Variants in NIPBL observed in about 807,000 individuals in gnomAD.
The protein encoded by NIPBL is nipped-B-like protein.
In NIPBL, 19 loss-of-function variants were observed where a neutral mutation model predicts 321.8. The ratio of observed to expected loss-of-function variants is 0.06; its 90% CI spans 0.04 to 0.09. The LOEUF is 0.09. Ranked by LOEUF, NIPBL falls within the 10% of genes least tolerant of loss-of-function variation. The pLI, the probability that NIPBL is intolerant of heterozygous loss-of-function variation, is 1.00. For synonymous variants in NIPBL, 1,106 were observed against 1,114.1 expected (o/e 0.99, Z 0.14); for missense variants, 2,210 against 3,327.0 (o/e 0.66, Z 8.26).
At chr5:37,002,458 C>G (rs1296066259) in intron 14 of NIPBL, among the ~76,000 whole-genome samples, 2 of 152,282 alleles carry the variant, frequency 1.3e-5, no homozygotes, top group African/African-American at 4.8e-5. Flanking sequence ...AGATATCTAT[C>G]TCATCTTCCC....
intron 45 of NIPBL, 121 bp from the exon 46 acceptor site, chr5:37,063,669 A>G: frequency 1.1e-6 from 1 of 937,474 alleles, no homozygotes; most frequent in Non-Finnish European, 1.6e-6. Context: ...CCCCTAATTT[A>G]GATGATGGCT....
chr5:37,050,879 A>C (rs1753465523), intron 40 of NIPBL: 1 of 151,836 alleles, frequency 6.6e-6, no homozygotes, highest in Non-Finnish European at 1.5e-5. Flanking sequence ...CCCAGGCTGG[A>C]GTGCAGTGAT....
chr5:36,896,313 C>G (rs1222248764), intron 1 of NIPBL, among the ~76,000 whole-genome samples: 2 of 152,224 alleles, frequency 1.3e-5, no homozygotes, highest in Admixed American at 1.3e-4. Context: ...CAGTACTACA[C>G]TGTCTTGATT....
intron 4 of NIPBL, among the ~76,000 whole-genome samples, chr5:36,960,298 G>A (rs780964487): frequency 1.3e-5 from 2 of 151,702 alleles, no homozygotes; most frequent in Non-Finnish European, 2.9e-5. Flanking sequence ...TCCCAGTGAT[G>A]GCTGTTAATT....
intron 1 of NIPBL, among the ~76,000 whole-genome samples, chr5:36,892,386 C>A (rs944969906): frequency 1.3e-5 from 2 of 152,116 alleles, no homozygotes; most frequent in African/African-American, 4.8e-5. Context: ...GTGGCGATTC[C>A]TCAGGGATCT....
intron 1 of NIPBL, among the ~76,000 whole-genome samples, chr5:36,883,224 A>G (rs1021185263): frequency 6.6e-6 from 1 of 151,932 alleles, no homozygotes; most frequent in Non-Finnish European, 1.5e-5. Flanking sequence ...ATGTAGGTAA[A>G]TTGCTTTGCC....
chr5:36,961,458 G>T lies in NIPBL; in HGVS notation c.359-26G>T, dbSNP rs753504121. 4 of 1,291,800 alleles carry T rather than the reference G, an allele frequency of 3.1e-6. No homozygotes were observed. The African/African-American group carries it at 4.4e-5, about 14-fold the overall frequency. The allele number at this position is 1,291,800 out of a possible 1,614,324, so 80.0% of individuals were successfully genotyped here. On this transcript the variant is annotated intron_variant, in intron 4 of 46. Transcript: ENST00000282516. ...CACTTTACTGTTAGAAGAAAATAAC[G>T]TTCTGTATTTTTGTGTTTTGCATAG...
intron 21 of NIPBL, among the ~76,000 whole-genome samples, chr5:37,013,345 G>C (rs1162220307): frequency 2.6e-5 from 4 of 151,916 alleles, no homozygotes; most frequent in Admixed American, 6.5e-5. Flanking sequence ...CGGGCGGGGG[G>C]CTGACCCCCC....
At chr5:36,917,913 T>G (rs999182521) in intron 1 of NIPBL, among the ~76,000 whole-genome samples, 7 of 152,186 alleles carry the variant, frequency 4.6e-5, no homozygotes, top group African/African-American at 1.7e-4. Context: ...ACCATGCTGT[T>G]TGGGTTACTG....
intron 1 of NIPBL, among the ~76,000 whole-genome samples, chr5:36,929,039 TGGG>T (rs199628680): frequency 0.052 from 7,856 of 152,288 alleles, 279 homozygotes; most frequent in Middle Eastern, 0.082. Context: ...ATGGAATTGC[TGGG>T]TCATATGATA....
At chr5:36,963,081 T>G (rs1002589612) in intron 6 of NIPBL, among the ~76,000 whole-genome samples, 8 of 152,172 alleles carry the variant, frequency 5.3e-5, no homozygotes, top group Admixed American at 3.9e-4. Flanking sequence ...TCTTACTTGA[T>G]TACTAGTTCT....
intron 1 of NIPBL, among the ~76,000 whole-genome samples, chr5:36,951,865 G>A (rs1290655476): frequency 2.0e-5 from 3 of 151,910 alleles, no homozygotes; most frequent in Non-Finnish European, 4.4e-5. Context: ...CTGGCAATTA[G>A]TAAAGAATGT....
intron 1 of NIPBL, among the ~76,000 whole-genome samples, chr5:36,886,907 G>C (rs1745951602): frequency 6.6e-6 from 1 of 151,762 alleles, no homozygotes; most frequent in African/African-American, 2.4e-5. Context: ...GAAAGCTTCT[G>C]AGATTCATTC....
chr5:37,062,002 C>T (rs560459428), intron 45 of NIPBL, among the ~76,000 whole-genome samples: 30 of 152,156 alleles, frequency 2.0e-4, no homozygotes, highest in Non-Finnish European at 3.1e-4. Flanking sequence ...CCACCACGCC[C>T]GGCTAATTTT....
At chr5:36,971,601 G>A (rs1742862150) in intron 7 of NIPBL, 1 of 152,478 alleles carries the variant, frequency 6.6e-6, no homozygotes, top group South Asian at 2.1e-4. Flanking sequence ...TAAGCTGCAT[G>A]TGTCTAAGGA....
intron 1 of NIPBL, among the ~76,000 whole-genome samples, chr5:36,920,871 C>G (rs1482939762): frequency 1.3e-5 from 2 of 149,626 alleles, no homozygotes. Context: ...CTCTCATTCT[C>G]TCCTCTGTAT....
intron 1 of NIPBL, among the ~76,000 whole-genome samples, chr5:36,894,506 A>G (rs1580165512): frequency 6.6e-6 from 1 of 152,188 alleles, no homozygotes; most frequent in East Asian, 1.9e-4. Context: ...ATACAAATAT[A>G]TCCTATGCAC....
chr5:36,929,485 T>A (rs1040139932), intron 1 of NIPBL, among the ~76,000 whole-genome samples: 7 of 152,238 alleles, frequency 4.6e-5, no homozygotes, highest in African/African-American at 1.7e-4. Context: ...GATTTGGCAA[T>A]ATTTTCTCCC....
At chr5:36,928,236 G>A (rs1285553072) in intron 1 of NIPBL, among the ~76,000 whole-genome samples, 2 of 152,116 alleles carry the variant, frequency 1.3e-5, no homozygotes, top group African/African-American at 4.8e-5. Flanking sequence ...GAATGTAACT[G>A]TCATCCTAGG....
Sources: allele counts gnomAD v4.1 joint callset (sites outside exome capture counted in the v4.1 genomes callset), GRCh38; gene constraint gnomAD v4.1.1; transcripts MANE v1.5; gene names NCBI Gene and HGNC (gene_info 2026-07-23, HGNC 2026-07-21).